Variants in RB1 observed in about 807,000 individuals in gnomAD.
RB1 encodes the protein RB transcriptional corepressor 1.
A neutral mutation model predicts 135.4 loss-of-function variants in RB1; 18 were observed. That is an observed-to-expected ratio of 0.13 (90% CI 0.09 to 0.20). The LOEUF (loss-of-function observed/expected upper bound fraction) is 0.20. Among genes scored for constraint, RB1 ranks in the 10% least tolerant of loss-of-function variants. The probability of loss-of-function intolerance (pLI) is 1.00; values close to 1 mark genes in which losing one functional copy is unlikely to be tolerated. For missense variants in RB1, 868 were observed against 1,110.0 expected (o/e 0.78, Z 3.10); for synonymous variants, 365 against 373.2 (o/e 0.98, Z 0.25).
chr13:48,322,260 T>C (rs1469294553), intron 2 of RB1, among the ~76,000 whole-genome samples: 1 of 152,222 alleles, frequency 6.6e-6, no homozygotes, highest in Non-Finnish European at 1.5e-5. Flanking sequence ...CTGAATAATA[T>C]TCCATTGTTT....
rs1952079918 is a variant in RB1 at position 48,306,324 on chromosome 13, GA to G, written c.138-955del. Among the ~76,000 whole-genome samples the G allele has an allele frequency of 1.3e-5, 2 of 152,220 alleles. 1 individual carries two copies. The highest frequency in any genetic ancestry group is 4.1e-4 in the South Asian group (2 of 4,832). ...GGAGGCTGAGGTGGGAGGATCCCTT[GA>G]GCCCAGGAGTTTGAGACTGCAGTGA... On this transcript the variant is annotated intron_variant, in intron 1 of 26. Transcript: ENST00000267163.
chr13:48,413,686 C>T (rs1593487134), intron 17 of RB1, among the ~76,000 whole-genome samples: 1 of 152,134 alleles, frequency 6.6e-6, no homozygotes, highest in South Asian at 2.1e-4. Flanking sequence ...AACATTCTTT[C>T]CTCTTTCCTA....
intron 17 of RB1, chr13:48,412,084 G>A (rs184642826): frequency 1.1e-5 from 18 of 1,605,570 alleles, no homozygotes; most frequent in Admixed American, 1.0e-4. Context: ...GCCAGAAATC[G>A]ATCTACACTA....
intron 2 of RB1, among the ~76,000 whole-genome samples, chr13:48,331,946 A>T (rs990384585): frequency 6.6e-6 from 1 of 152,226 alleles, no homozygotes; most frequent in East Asian, 1.9e-4. Flanking sequence ...AAATATCTTA[A>T]GTTAAAATTG....
At chr13:48,393,427 GA>G (rs1318079501) in intron 17 of RB1, among the ~76,000 whole-genome samples, 2 of 152,164 alleles carry the variant, frequency 1.3e-5, no homozygotes, top group Non-Finnish European at 2.9e-5. Flanking sequence ...TGGCAATAAT[GA>G]GGCTCACCAT....
intron 17 of RB1, among the ~76,000 whole-genome samples, chr13:48,436,486 T>C (rs1387114265): frequency 6.6e-6 from 1 of 151,906 alleles, no homozygotes; most frequent in Non-Finnish European, 1.5e-5. Context: ...CTACTAAAAA[T>C]ACAAAAATTA....
At chr13:48,462,433 T>A (rs1949412212) in intron 20 of RB1, among the ~76,000 whole-genome samples, 1 of 152,232 alleles carries the variant, frequency 6.6e-6, no homozygotes, top group Non-Finnish European at 1.5e-5. Context: ...ACTGCTCATT[T>A]TTTAATAGAG....
Position 48,338,334 on chromosome 13 carries a change from G to T in RB1, c.265-4265G>T, listed in dbSNP as rs181585554. Among the ~76,000 whole-genome samples the T allele has an allele frequency of 4.7e-3, 712 of 152,236 alleles. 2 individuals are homozygous for T. The highest frequency in any genetic ancestry group is 0.016 in the African/African-American group (672 of 41,522). On this transcript the variant is annotated intron_variant, in intron 2 of 26. Transcript: ENST00000267163. ...GGTACACCAATCAGATGTAGATTTGGTCTTTTCACAGAGTCCGGTATTTCT... is the reference window on the plus strand; with the variant it reads ...GGTACACCAATCAGATGTAGATTTGTTCTTTTCACAGAGTCCGGTATTTCT...
At chr13:48,416,103 G>A (rs1566215483) in intron 17 of RB1, among the ~76,000 whole-genome samples, 1 of 152,042 alleles carries the variant, frequency 6.6e-6, no homozygotes, top group Admixed American at 6.6e-5. Flanking sequence ...TGGATTTTTT[G>A]GGGGGAGCGA....
At chr13:48,356,809 A>T (rs56871512) in intron 6 of RB1, among the ~76,000 whole-genome samples, 1 of 152,094 alleles carries the variant, frequency 6.6e-6, no homozygotes, top group East Asian at 1.9e-4. Flanking sequence ...ACAAGTTTTT[A>T]AAAATATGCT....
At chr13:48,390,353 A>G (rs1264948339) in intron 17 of RB1, among the ~76,000 whole-genome samples, 1 of 152,186 alleles carries the variant, frequency 6.6e-6, no homozygotes, top group Non-Finnish European at 1.5e-5. Flanking sequence ...CTGGAGACAG[A>G]ACATTTCTGG....
At chr13:48,439,395 T>G (rs946306618) in intron 17 of RB1, among the ~76,000 whole-genome samples, 11 of 152,108 alleles carry the variant, frequency 7.2e-5, no homozygotes, top group African/African-American at 2.7e-4. Flanking sequence ...AGAAATAAAA[T>G]AGAATCATGA....
intron 17 of RB1, among the ~76,000 whole-genome samples, 175 bp from the exon 18 acceptor site, chr13:48,452,818 T>C (rs1243109795): frequency 6.6e-6 from 1 of 152,154 alleles, no homozygotes; most frequent in Non-Finnish European, 1.5e-5. Flanking sequence ...AGTACAAAAA[T>C]TGTCAATTGG....
intron 1 of RB1, among the ~76,000 whole-genome samples, chr13:48,304,542 C>A (rs1345406855): frequency 6.6e-6 from 1 of 152,054 alleles, no homozygotes; most frequent in Non-Finnish European, 1.5e-5. Flanking sequence ...GAGAGGCCGA[C>A]CAGAAAGCCT....
In RB1 at chr13:48,480,746, A is replaced by T. The variant is rs1949533689; in HGVS notation, c.*675A>T. 1 of 226,898 alleles carries T rather than the reference A, an allele frequency of 4.4e-6. No individual in the cohort carries two copies. The highest frequency in any genetic ancestry group is 8.8e-6 in the Non-Finnish European group (1 of 114,066). 14.1% of individuals were successfully genotyped at this position (226,898 alleles called of 1,614,324 possible). ...CCATATGATACTATCATACTACTGA[A>T]ACAGATTTCATACCTCAGAATGTAA... On this transcript the variant is annotated 3_prime_UTR_variant, in exon 27 of 27. Transcript: ENST00000267163.
chr13:48,441,264 A>G (rs1451115139), intron 17 of RB1, among the ~76,000 whole-genome samples: 1 of 152,172 alleles, frequency 6.6e-6, no homozygotes, highest in Non-Finnish European at 1.5e-5. Flanking sequence ...TCCCTTTTAT[A>G]AGGGTACTAA....
At chr13:48,475,021 GCAC>G (rs2138356672) in intron 24 of RB1, among the ~76,000 whole-genome samples, 1 of 152,166 alleles carries the variant, frequency 6.6e-6, no homozygotes, top group Non-Finnish European at 1.5e-5. Context: ...CTACAGGCAT[GCAC>G]CACCATGTCC....
intron 17 of RB1, chr13:48,391,392 A>G (rs934596981): frequency 5.3e-5 from 8 of 152,144 alleles, no homozygotes; most frequent in African/African-American, 1.7e-4. Context: ...ATTTGATTAC[A>G]TATTTACCTT....
chr13:48,330,020 A>T (rs964933083), intron 2 of RB1, among the ~76,000 whole-genome samples: 1 of 152,178 alleles, frequency 6.6e-6, no homozygotes, highest in African/African-American at 2.4e-5. Flanking sequence ...AAGCAAAAAT[A>T]ACAGGAAAAC....
Sources: gnomAD v4.1 joint callset for allele counts (sites outside exome capture counted in the v4.1 genomes callset) on GRCh38, gnomAD v4.1.1 for gene constraint, MANE v1.5 for transcripts, NCBI Gene and HGNC (gene_info 2026-07-23, HGNC 2026-07-21) for gene names.